ABCC4: variants seen among roughly 807,000 people sequenced by gnomAD.
ABCC4 encodes the protein ATP binding cassette subfamily C member 4 (PEL blood group), also known as ATP-binding cassette sub-family C member 4.
A neutral mutation model predicts 168.5 loss-of-function variants in ABCC4; 102 were observed. The observed-to-expected ratio is 0.61, with a 90% CI of 0.52 to 0.71. The LOEUF is 0.71. ABCC4 is among the 30% of genes least tolerant of loss of function. The pLI is 0.00. For synonymous variants in ABCC4, 617 were observed against 590.7 expected (o/e 1.04, Z -0.65); for missense variants, 1,402 against 1,605.8 (o/e 0.87, Z 2.17).
At chr13:95,226,505 G>A (rs2039470171) in intron 4 of ABCC4, among the ~76,000 whole-genome samples, 1 of 152,068 alleles carries the variant, frequency 6.6e-6, no homozygotes, top group Non-Finnish European at 1.5e-5. Flanking sequence ...TAATTCAATG[G>A]GGAAAGAGTA....
intron 20 of ABCC4, among the ~76,000 whole-genome samples, chr13:95,103,004 C>T (rs575014906): frequency 6.4e-4 from 97 of 151,812 alleles, no homozygotes; most frequent in African/African-American, 2.2e-3. Context: ...CAGTGGCTCA[C>T]GCCTGTAATC....
At chr13:95,255,385 T>C (rs2040367475) in intron 1 of ABCC4, among the ~76,000 whole-genome samples, 2 of 152,172 alleles carry the variant, frequency 1.3e-5, no homozygotes, top group South Asian at 4.1e-4. Context: ...TCTCCTCCCA[T>C]TCTCTGTAGT....
rs539015810 is a variant in ABCC4 at position 95,195,075 on chromosome 13, C to A, written c.1162-138G>T. 9 of 638,596 alleles carry A rather than the reference C, an allele frequency of 1.4e-5. No homozygotes were observed. The African/African-American group carries it at 1.5e-4, about 10-fold the overall frequency. The allele number at this position is 638,596 out of a possible 1,614,324, so 39.6% of individuals were successfully genotyped here. Reference sequence around the variant, plus strand: ...ATTTTACCAACCCTATTTAAAGTATCGGTTCACATCAGCATATGATATTTA... The same window carrying A: ...ATTTTACCAACCCTATTTAAAGTATAGGTTCACATCAGCATATGATATTTA... On this transcript the variant is annotated intron_variant, in intron 8 of 30. Coordinates refer to ENST00000645237, the MANE Select transcript of ABCC4 (RefSeq NM_005845.5).
At chr13:95,243,653 G>A (rs1459888508) in intron 3 of ABCC4, among the ~76,000 whole-genome samples, 2 of 152,150 alleles carry the variant, frequency 1.3e-5, no homozygotes, top group African/African-American at 2.4e-5. Context: ...TTGGGAGGGC[G>A]AGGTGGGCCG....
intron 1 of ABCC4, among the ~76,000 whole-genome samples, chr13:95,271,178 T>C (rs1188090784): frequency 3.3e-5 from 5 of 152,318 alleles, no homozygotes; most frequent in Middle Eastern, 3.4e-3. Context: ...CCTTTCTCTC[T>C]TGACCCATAA....
chr13:95,116,224 C>T (rs1039194155), intron 19 of ABCC4, among the ~76,000 whole-genome samples: 12 of 152,074 alleles, frequency 7.9e-5, no homozygotes, highest in Admixed American at 5.2e-4. Flanking sequence ...TGAAATGTGG[C>T]CCTGATTTTA....
At chr13:95,192,452 AAAC>A (rs1477069438) in intron 9 of ABCC4, among the ~76,000 whole-genome samples, 1 of 152,198 alleles carries the variant, frequency 6.6e-6, no homozygotes, top group Non-Finnish European at 1.5e-5. Flanking sequence ...AGGAACCGAA[AAAC>A]AACAAAACAG....
intron 20 of ABCC4, among the ~76,000 whole-genome samples, chr13:95,084,222 C>T (rs2034187437): frequency 6.6e-6 from 1 of 152,184 alleles, no homozygotes; most frequent in Admixed American, 6.5e-5. Context: ...AGTATTACTA[C>T]ACCATTTTAC....
At chr13:95,168,378 C>T (rs1594221869) in intron 14 of ABCC4, among the ~76,000 whole-genome samples, 2 of 152,188 alleles carry the variant, frequency 1.3e-5, no homozygotes, top group South Asian at 2.1e-4. Context: ...GTTCTGCCTT[C>T]GATAATCCTC....
intron 3 of ABCC4, among the ~76,000 whole-genome samples, chr13:95,236,579 G>A (rs1291621798): frequency 6.6e-5 from 9 of 135,862 alleles, no homozygotes; most frequent in African/African-American, 1.1e-4. Context: ...AGCCTGTCTC[G>A]GCATGTGAAC....
chr13:95,124,597 A>C (rs2035687190), intron 19 of ABCC4, among the ~76,000 whole-genome samples: 1 of 144,452 alleles, frequency 6.9e-6, no homozygotes, highest in Non-Finnish European at 1.5e-5. Context: ...GGCTGGGCAC[A>C]GTGGCTCATG....
chr13:95,115,456 A>G (rs898706787), intron 20 of ABCC4, among the ~76,000 whole-genome samples: 1 of 150,442 alleles, frequency 6.6e-6, no homozygotes, highest in African/African-American at 2.5e-5. Flanking sequence ...TTTTCACCTT[A>G]TTATTACTAA....
At chr13:95,043,826 C>G in intron 28 of ABCC4, 39 bp from the exon 29 acceptor site, 2 of 1,450,940 alleles carry the variant, frequency 1.4e-6, no homozygotes, top group Non-Finnish European at 1.9e-6. Flanking sequence ...CGTAAAGATG[C>G]AAAAAGTAGA....
intron 1 of ABCC4, among the ~76,000 whole-genome samples, chr13:95,262,616 G>A (rs1339921813): frequency 2.0e-5 from 3 of 150,234 alleles, no homozygotes; most frequent in Admixed American, 1.3e-4. Flanking sequence ...GAAGTCAAAC[G>A]AAATGACACT....
At position 95,174,857 on chromosome 13, in the gene ABCC4, G is replaced by C. The variant is rs141829560; in HGVS notation, c.1727+2850C>G. Among the ~76,000 whole-genome samples, 467 of 152,346 alleles carry C rather than the reference G, an allele frequency of 3.1e-3. 3 individuals are homozygous for C. The highest frequency in any genetic ancestry group is 0.011 in the African/African-American group (447 of 41,578). ...GATCAGACTGCTGCGGCAATGCCAA[G>C]TGCCAGCTTATCCTGCACTCTGCAT... On this transcript the variant is annotated intron_variant, in intron 13 of 30. Transcript: ENST00000645237.
At chr13:95,094,691 G>T (rs1241734771) in intron 20 of ABCC4, among the ~76,000 whole-genome samples, 1 of 152,192 alleles carries the variant, frequency 6.6e-6, no homozygotes, top group Non-Finnish European at 1.5e-5. Flanking sequence ...AAACTAAGGA[G>T]CTTTTGCACC....
At chr13:95,083,530 CTTT>C (rs372137669) in intron 20 of ABCC4, among the ~76,000 whole-genome samples, 4 of 138,736 alleles carry the variant, frequency 2.9e-5, no homozygotes, top group African/African-American at 5.4e-5. Flanking sequence ...TTTCCTTTTT[CTTT>C]TTTTTTTTTT....
At chr13:95,264,359 A>G (rs535322607) in intron 1 of ABCC4, among the ~76,000 whole-genome samples, 1 of 152,316 alleles carries the variant, frequency 6.6e-6, no homozygotes, top group East Asian at 1.9e-4. Context: ...ATATTTTCAT[A>G]GCCTCCAATT....
chr13:95,290,705 CAAAAAAAAAAAAAA>C (rs55933951), intron 1 of ABCC4, among the ~76,000 whole-genome samples: 9 of 56,032 alleles, frequency 1.6e-4, no homozygotes, highest in African/African-American at 5.3e-4. Context: ...AACTCTGTCT[CAAAAAAAAAAAAAA>C]AAAAAAAAAA....
Sources: gnomAD v4.1 joint callset for allele counts (sites outside exome capture counted in the v4.1 genomes callset) on GRCh38, gnomAD v4.1.1 for gene constraint, MANE v1.5 for transcripts, NCBI Gene and HGNC (gene_info 2026-07-23, HGNC 2026-07-21) for gene names.